Variants in STAU2 observed in about 807,000 individuals in gnomAD.
STAU2 encodes the protein staufen double-stranded RNA binding protein 2.
A neutral mutation model predicts 65.9 loss-of-function variants in STAU2; 20 were observed. The ratio of observed to expected loss-of-function variants is 0.30; its 90% CI spans 0.21 to 0.44. The LOEUF is 0.44. Among genes scored for constraint, STAU2 ranks in the 20% least tolerant of loss-of-function variants. STAU2 has a pLI of 1.00. For synonymous variants in STAU2, 232 were observed against 233.9 expected (o/e 0.99, Z 0.07); for missense variants, 558 against 683.9 (o/e 0.82, Z 2.05).
intron 13 of STAU2, among the ~76,000 whole-genome samples, chr8:73,526,597 T>A (rs1805473997): frequency 6.6e-6 from 1 of 152,278 alleles, no homozygotes; most frequent in East Asian, 1.9e-4. Flanking sequence ...GATATAAAGC[T>A]GGATTATAGT....
chr8:73,747,443 C>A (rs779461218), upstream of STAU2: 35 of 1,534,688 alleles, frequency 2.3e-5, 1 homozygote, highest in South Asian at 3.9e-4. Flanking sequence ...GCGACCATCC[C>A]GCGTCTGCTC....
intron 3 of STAU2, 116 bp from the exon 4 acceptor site, chr8:73,709,278 A>AT (rs1461859754): frequency 8.4e-6 from 8 of 956,682 alleles, no homozygotes; most frequent in African/African-American, 1.7e-5. Flanking sequence ...TGAATTTTGT[A>AT]TTTTAAAAAT....
chr8:73,434,881 A>G (rs147227503), intron 13 of STAU2, among the ~76,000 whole-genome samples: 1 of 152,038 alleles, frequency 6.6e-6, no homozygotes, highest in Non-Finnish European at 1.5e-5. Flanking sequence ...ATCAAAAGCC[A>G]TTAATAACTC....
chr8:73,617,255 T>C, intron 7 of STAU2, 37 bp downstream of exon 7: 1 of 1,596,266 alleles, frequency 6.3e-7, no homozygotes, highest in South Asian at 1.1e-5. Flanking sequence ...ACTGGGAAAG[T>C]AGAAAGAACA....
chr8:73,531,641 A>T (rs998838301), intron 13 of STAU2, among the ~76,000 whole-genome samples: 1 of 152,038 alleles, frequency 6.6e-6, no homozygotes, highest in Admixed American at 6.5e-5. Context: ...ACTGTGAATT[A>T]AAAAAAATAT....
At chr8:73,557,307 A>G (rs1807864548) in intron 12 of STAU2, among the ~76,000 whole-genome samples, 1 of 152,230 alleles carries the variant, frequency 6.6e-6, no homozygotes, top group Admixed American at 6.5e-5. Flanking sequence ...CAGACTAGTC[A>G]TAGAAATAGC....
rs1474985720 is a variant in STAU2, at chr8:73,575,127, G to A, written c.1222+7643C>T. 5.9e-4 allele frequency among the ~76,000 whole-genome samples: 6 copies of A among 10,130 alleles called. No homozygotes were observed. In the East Asian group the frequency reaches 7.8e-3, roughly 13 times the overall value. 6.6% of individuals were successfully genotyped at this position (10,130 alleles called of 152,430 possible). ...ACACAGATGCACACAGTCCTACCAA[G>A]TAAAAAAAAAAAAAAAGAGAGAAAA... is the stretch of plus-strand genomic sequence containing the variant. On this transcript the variant is annotated intron_variant, in intron 12 of 14. Coordinates refer to ENST00000524300, the MANE Select transcript of STAU2 (RefSeq NM_001164380.2).
chr8:73,485,332 A>T (rs889569167), intron 13 of STAU2, among the ~76,000 whole-genome samples: 5 of 151,836 alleles, frequency 3.3e-5, no homozygotes, highest in Admixed American at 3.3e-4. Flanking sequence ...TTCTAAAATT[A>T]TTATTCATAT....
chr8:73,702,403 ATT>A (rs1011574529), intron 4 of STAU2, among the ~76,000 whole-genome samples: 1 of 152,104 alleles, frequency 6.6e-6, no homozygotes. Flanking sequence ...GAATGAGAAA[ATT>A]TTGTGGGACA....
chr8:73,536,847 C>T (rs2128935768), intron 13 of STAU2, among the ~76,000 whole-genome samples: 1 of 152,248 alleles, frequency 6.6e-6, no homozygotes, highest in Non-Finnish European at 1.5e-5. Flanking sequence ...CTTACTGAAA[C>T]AGAAATTTTA....
At chr8:73,570,478 T>C (rs1187219696) in intron 12 of STAU2, among the ~76,000 whole-genome samples, 3 of 152,170 alleles carry the variant, frequency 2.0e-5, no homozygotes, top group Non-Finnish European at 4.4e-5. Context: ...GTCTGACTGG[T>C]GTACCTGAAA....
intron 13 of STAU2, among the ~76,000 whole-genome samples, chr8:73,424,296 G>A (rs1367605834): frequency 6.6e-6 from 1 of 150,756 alleles, no homozygotes; most frequent in African/African-American, 2.5e-5. Flanking sequence ...TGCCTCCTGG[G>A]TTCAAGTGAT....
At chr8:73,555,288 G>A (rs4237011) in intron 12 of STAU2, among the ~76,000 whole-genome samples, 121,683 of 152,032 alleles carry the variant, frequency 0.8, 49,035 homozygotes, top group Admixed American at 0.84. Flanking sequence ...GGACCTGGAG[G>A]GTTTGTGTTC....
At chr8:73,451,567 A>AC (rs1331737700) in intron 13 of STAU2, among the ~76,000 whole-genome samples, 1 of 151,298 alleles carries the variant, frequency 6.6e-6, no homozygotes, top group Non-Finnish European at 1.5e-5. Context: ...TGGGCTACCC[A>AC]CCCCCCGCAA....
chr8:73,679,348 A>G (rs1265939253), intron 5 of STAU2, among the ~76,000 whole-genome samples: 1 of 152,198 alleles, frequency 6.6e-6, no homozygotes, highest in Non-Finnish European at 1.5e-5. Flanking sequence ...CTCTGCTCCA[A>G]GAACCACCAC....
chr8:73,635,822 C>CTAAA (rs1193068975), intron 6 of STAU2, among the ~76,000 whole-genome samples: 1 of 150,866 alleles, frequency 6.6e-6, no homozygotes, highest in African/African-American at 2.4e-5. Context: ...AAGGCTCCGT[C>CTAAA]TAAATAAATA....
chr8:73,649,869 T>TTTTATATA (rs1554555924), intron 6 of STAU2, among the ~76,000 whole-genome samples: 2 of 71,656 alleles, frequency 2.8e-5, no homozygotes, highest in Middle Eastern at 8.5e-3. Flanking sequence ...CTATATAATT[T>TTTTATATA]TATATATATA....
intron 12 of STAU2, among the ~76,000 whole-genome samples, chr8:73,564,473 C>T (rs1304421910): frequency 6.6e-6 from 1 of 151,968 alleles, no homozygotes; most frequent in African/African-American, 2.4e-5. Flanking sequence ...ATAACACACA[C>T]TGGAGCCTAT....
chr8:73,533,003 A>G (rs976588631), intron 13 of STAU2, among the ~76,000 whole-genome samples: 2 of 152,164 alleles, frequency 1.3e-5, no homozygotes, highest in African/African-American at 4.8e-5. Context: ...CTGTCTCCCT[A>G]AAATGTAACT....
Sources: gnomAD v4.1 joint callset for allele counts (sites outside exome capture counted in the v4.1 genomes callset) on GRCh38, gnomAD v4.1.1 for gene constraint, MANE v1.5 for transcripts, NCBI Gene and HGNC (gene_info 2026-07-23, HGNC 2026-07-21) for gene names.